CCDC102B: variants seen among roughly 807,000 people sequenced by gnomAD.
The protein encoded by CCDC102B is coiled-coil domain-containing protein 102B.
In CCDC102B, 75 loss-of-function variants were observed where a neutral mutation model predicts 57.4. The ratio of observed to expected loss-of-function variants is 1.31; its 90% CI spans 1.08 to 1.58. CCDC102B has a LOEUF of 1.58. Among genes scored for constraint, CCDC102B ranks in the 40% most tolerant of loss-of-function variants. CCDC102B has a pLI of 0.00. For missense variants in CCDC102B, 636 were observed against 582.6 expected (o/e 1.09, Z -0.94); for synonymous variants, 206 against 201.9 (o/e 1.02, Z -0.17).
At chr18:68,758,988 C>A (rs2034156386) in intron 2 of CCDC102B, among the ~76,000 whole-genome samples, 1 of 141,154 alleles carries the variant, frequency 7.1e-6, no homozygotes, top group Non-Finnish European at 1.6e-5. Flanking sequence ...TAAGAAATAA[C>A]AACAGAATGC....
At chr18:69,034,637 A>C (rs183422459) in intron 7 of CCDC102B, among the ~76,000 whole-genome samples, 2 of 151,758 alleles carry the variant, frequency 1.3e-5, no homozygotes, top group African/African-American at 4.8e-5. Flanking sequence ...AAAGTACTGA[A>C]ATTAACAAAT....
intron 6 of CCDC102B, among the ~76,000 whole-genome samples, chr18:68,981,338 G>C (rs1366929449): frequency 6.6e-6 from 1 of 152,006 alleles, no homozygotes; most frequent in Non-Finnish European, 1.5e-5. Context: ...GTTTTCGAGG[G>C]AAGTTTTATT....
intron 2 of CCDC102B, among the ~76,000 whole-genome samples, chr18:68,719,756 A>T (rs2032225244): frequency 6.6e-6 from 1 of 152,224 alleles, no homozygotes; most frequent in African/African-American, 2.4e-5. Context: ...GAAACATAAC[A>T]TTAACCACAC....
At chr18:68,858,706 C>T (rs1345451979) in intron 4 of CCDC102B, among the ~76,000 whole-genome samples, 1 of 152,098 alleles carries the variant, frequency 6.6e-6, no homozygotes, top group Non-Finnish European at 1.5e-5. Context: ...TCTATCTTTG[C>T]TAACTGGCAC....
intron 6 of CCDC102B, among the ~76,000 whole-genome samples, chr18:68,965,090 G>C (rs926903160): frequency 1.3e-5 from 2 of 151,820 alleles, no homozygotes; most frequent in African/African-American, 4.8e-5. Flanking sequence ...CTTGTTTGCT[G>C]TTTGCTCACC....
intron 6 of CCDC102B, among the ~76,000 whole-genome samples, chr18:68,999,486 A>C (rs995791366): frequency 6.6e-6 from 1 of 151,796 alleles, no homozygotes; most frequent in African/African-American, 2.4e-5. Flanking sequence ...CATGCCTGTA[A>C]TGCCAGCTAC....
chr18:68,795,735 G>A (rs117301335), upstream of CCDC102B, among the ~76,000 whole-genome samples: 267 of 152,230 alleles, frequency 1.8e-3, 2 homozygotes, highest in East Asian at 0.038. Context: ...TTCAAAGACC[G>A]TATTTCCAAA....
intron 7 of CCDC102B, among the ~76,000 whole-genome samples, chr18:69,020,804 G>T (rs1449013230): frequency 2.6e-5 from 4 of 152,060 alleles, no homozygotes; most frequent in African/African-American, 9.7e-5. Context: ...AAAATGACTT[G>T]CTACCAAAAA....
downstream of CCDC102B, among the ~76,000 whole-genome samples, chr18:69,056,421 A>C (rs892230381): frequency 6.6e-5 from 10 of 151,938 alleles, no homozygotes; most frequent in Admixed American, 3.3e-4. Flanking sequence ...GGCTGGAGTC[A>C]CTCGAGGTTG....
intron 2 of CCDC102B, among the ~76,000 whole-genome samples, chr18:68,790,700 C>T (rs1043615109): frequency 1.3e-5 from 2 of 152,144 alleles, no homozygotes; most frequent in Non-Finnish European, 2.9e-5. Flanking sequence ...GTGCACGGTG[C>T]GCGCACCCAC....
chr18:69,021,013 C>T (rs1244273831), intron 7 of CCDC102B, among the ~76,000 whole-genome samples: 1 of 152,220 alleles, frequency 6.6e-6, no homozygotes, highest in Non-Finnish European at 1.5e-5. Flanking sequence ...TATGGCTTTA[C>T]ACTTAGCAAT....
intron 7 of CCDC102B, among the ~76,000 whole-genome samples, chr18:69,032,719 G>A (rs1363086750): frequency 6.6e-6 from 1 of 152,102 alleles, no homozygotes. Flanking sequence ...TGTTCTATCA[G>A]CTACAAATTT....
intron 2 of CCDC102B, among the ~76,000 whole-genome samples, chr18:68,736,852 G>A (rs186531628): frequency 1.3e-3 from 195 of 151,982 alleles, no homozygotes; most frequent in Middle Eastern, 3.4e-3. Context: ...TTTGGGTGGG[G>A]ACACAGCCAA....
chr18:68,772,612 A>C (rs545889729), intron 2 of CCDC102B, among the ~76,000 whole-genome samples: 2 of 152,272 alleles, frequency 1.3e-5, no homozygotes, highest in South Asian at 4.1e-4. Context: ...CCTATTTAAA[A>C]AGTTCTTTTG....
chr18:68,720,464 C>T (rs2032263065), intron 2 of CCDC102B, among the ~76,000 whole-genome samples: 1 of 152,128 alleles, frequency 6.6e-6, no homozygotes, highest in South Asian at 2.1e-4. Context: ...TATTTAAAAA[C>T]TCAGGTGAGA....
At chr18:69,001,302 G>A (rs1315336596) in intron 6 of CCDC102B, among the ~76,000 whole-genome samples, 1 of 108,532 alleles carries the variant, frequency 9.2e-6, no homozygotes, top group Non-Finnish European at 1.9e-5. Context: ...TCCAAGTAGA[G>A]TACCTACTGA....
At chr18:68,920,065 G>A (rs2041220263) in intron 6 of CCDC102B, among the ~76,000 whole-genome samples, 1 of 152,016 alleles carries the variant, frequency 6.6e-6, no homozygotes, top group African/African-American at 2.4e-5. Flanking sequence ...TCATCACCCA[G>A]GTATTGCACC....
chr18:68,878,322 C>T (rs1279204320), intron 5 of CCDC102B, among the ~76,000 whole-genome samples: 2 of 152,052 alleles, frequency 1.3e-5, no homozygotes, highest in Admixed American at 6.5e-5. Context: ...TGGTCCTGAA[C>T]TCCTAAGCTA....
At chr18:68,922,995 T>G (rs1444615149) in intron 6 of CCDC102B, among the ~76,000 whole-genome samples, 1 of 152,076 alleles carries the variant, frequency 6.6e-6, no homozygotes, top group Non-Finnish European at 1.5e-5. Context: ...TGTTGCCTTT[T>G]TAGATGGCTT....
Sources: gnomAD v4.1 joint callset for allele counts (sites outside exome capture counted in the v4.1 genomes callset) on GRCh38, gnomAD v4.1.1 for gene constraint, MANE v1.5 for transcripts, NCBI Gene and HGNC (gene_info 2026-07-23, HGNC 2026-07-21) for gene names.